ESR2: variants seen among roughly 807,000 people sequenced by gnomAD.
The protein encoded by ESR2 is estrogen receptor 2, also known as estrogen receptor beta.
ESR2 carries 36 observed loss-of-function variants against 49.6 expected under a neutral mutation model. The observed-to-expected ratio is 0.73, with a 90% CI of 0.56 to 0.96. ESR2 has a LOEUF of 0.96. Among genes scored for constraint, ESR2 ranks in the 40% least tolerant of loss-of-function variants. The pLI is 0.00. For missense variants in ESR2, 714 were observed against 693.0 expected (o/e 1.03, Z -0.34); for synonymous variants, 320 against 266.1 (o/e 1.20, Z -1.97).
intron 1 of ESR2, among the ~76,000 whole-genome samples, chr14:64,328,918 A>C (rs1371747727): frequency 6.6e-6 from 1 of 152,198 alleles, no homozygotes; most frequent in East Asian, 1.9e-4. Flanking sequence ...TATTAGTTGC[A>C]GATATTTTAA....
At chr14:64,270,881 G>T (rs886932363) in intron 3 of ESR2, among the ~76,000 whole-genome samples, 2 of 152,278 alleles carry the variant, frequency 1.3e-5, no homozygotes, top group South Asian at 4.1e-4. Context: ...AGATCTACAT[G>T]AATCTCTCAT....
intron 7 of ESR2, among the ~76,000 whole-genome samples, chr14:64,243,533 T>TCTC (rs2075784940): frequency 6.6e-6 from 1 of 152,228 alleles, no homozygotes; most frequent in African/African-American, 2.4e-5. Flanking sequence ...ATGGGATGTG[T>TCTC]CTCTACTCTT....
At position 64,230,068 on chromosome 14, in the gene ESR2, G is replaced by C. The variant is rs764073581; in HGVS notation, c.*3069C>G. 6.6e-6 allele frequency among the ~76,000 whole-genome samples: 1 copy of C among 151,730 alleles called. No homozygotes were observed. Among genetic ancestry groups the C allele is most frequent in the African/African-American group, 2.4e-5 (1 of 41,310 alleles). ...GTGGTGTGCACCCCAGCTACTCGGC[G>C]AGGGCGGGAATGGGGTGGGATGGGG... is the stretch of plus-strand genomic sequence containing the variant. On this transcript the variant is annotated 3_prime_UTR_variant, in exon 9 of 9. Coordinates refer to ENST00000341099, the MANE Select transcript of ESR2 (RefSeq NM_001437.3).
intron 8 of ESR2, 80 bp from the exon 9 acceptor site, chr14:64,233,403 C>T: frequency 1.4e-6 from 2 of 1,421,410 alleles, no homozygotes; most frequent in Non-Finnish European, 1.9e-6. Flanking sequence ...GCTCTCTTTG[C>T]TCAGAGCCAG....
At chr14:64,322,407 G>A (rs965060725) in intron 1 of ESR2, among the ~76,000 whole-genome samples, 1 of 151,444 alleles carries the variant, frequency 6.6e-6, no homozygotes, top group Admixed American at 6.6e-5. Flanking sequence ...TAAGTGCAAT[G>A]ACTCACACCT....
At chr14:64,268,267 A>G (rs1264708259) in intron 4 of ESR2, among the ~76,000 whole-genome samples, 1 of 152,236 alleles carries the variant, frequency 6.6e-6, no homozygotes, top group Non-Finnish European at 1.5e-5. Flanking sequence ...TGCTGTATGT[A>G]CTTTTCATAG....
intron 7 of ESR2, among the ~76,000 whole-genome samples, chr14:64,245,846 G>GA (rs1191171013): frequency 2.0e-5 from 3 of 152,322 alleles, no homozygotes; most frequent in South Asian, 2.1e-4. Flanking sequence ...TTCCTGCACA[G>GA]AAAAGAGATC....
chr14:64,318,057 CTG>C (rs59310293), intron 1 of ESR2, among the ~76,000 whole-genome samples: 291 of 152,202 alleles, frequency 1.9e-3, no homozygotes, highest in African/African-American at 6.8e-3. Flanking sequence ...AGAAATGAAA[CTG>C]TTTTTGTTCA....
upstream of ESR2, chr14:64,298,404 C>T (rs1386274834): frequency 6.6e-6 from 1 of 152,174 alleles, no homozygotes. Flanking sequence ...CCTGCACATC[C>T]CATGTTTTCT....
intron 1 of ESR2, among the ~76,000 whole-genome samples, chr14:64,305,718 A>C (rs576705187): frequency 4.6e-5 from 7 of 152,164 alleles, no homozygotes; most frequent in African/African-American, 1.7e-4. Context: ...AAAATGCTTT[A>C]TACAAATTAG....
rs750720041 is a variant in ESR2, at chr14:64,260,557, T to C, written c.844A>G (p.Ile282Val). ...GTGAAGGGCGCACTGGGGCGGCTGA[T>C]CAGCACATGGGGCGGCTCAGCCTCC... ...LLEAEPPHVL[I>V]SRPSAPFTEA... is the part of the protein sequence containing the mutation. The change falls in exon 5 of 9, where the codon ATC becomes GTC. Residue 282 changes from isoleucine (I) to valine (V), a missense_variant. Coordinates refer to ENST00000341099, the MANE Select transcript of ESR2 (RefSeq NM_001437.3). 3 of 1,586,986 alleles carry C rather than the reference T, an allele frequency of 1.9e-6. No individual in the cohort carries two copies. The highest frequency in any genetic ancestry group is 2.6e-6 in the Non-Finnish European group (3 of 1,166,150).
chr14:64,287,024 GTTTT>G (rs61331470), intron 1 of ESR2, among the ~76,000 whole-genome samples: 6 of 141,282 alleles, frequency 4.2e-5, no homozygotes, highest in African/African-American at 7.6e-5. Flanking sequence ...GCCTGAAGTT[GTTTT>G]TTTTTTTTTC....
rs552779282 is a variant in ESR2, at chr14:64,239,721, T to C, written c.1226-4571A>G. On this transcript the variant is annotated intron_variant, in intron 7 of 8. Coordinates refer to ENST00000341099, the MANE Select transcript of ESR2 (RefSeq NM_001437.3). The stretch of plus-strand genomic sequence containing the variant: ...ACAAGCATTGTAACAGGTTGTTAAA[T>C]GCAACATTTTTCTGTTGTCTCTTAC... Among the ~76,000 whole-genome samples, 6 of 152,332 alleles carry C rather than the reference T, an allele frequency of 3.9e-5. 1 individual carries two copies. In the South Asian group the frequency reaches 1.2e-3, roughly 32 times the overall value.
chr14:64,233,376 C>T, intron 8 of ESR2, 53 bp from the exon 9 acceptor site: 2 of 1,556,712 alleles, frequency 1.3e-6, no homozygotes, highest in East Asian at 2.3e-5. Flanking sequence ...GCCACAGGAA[C>T]CCCGAAGCCT....
At chr14:64,317,170 G>A (rs534538381) in intron 1 of ESR2, among the ~76,000 whole-genome samples, 67 of 152,178 alleles carry the variant, frequency 4.4e-4, no homozygotes, top group Non-Finnish European at 8.2e-4. Flanking sequence ...GGAGGCTGAG[G>A]TGGGAGAACC....
At position 64,249,554 on chromosome 14, in the gene ESR2, A is replaced by C. The variant is rs111471356; in HGVS notation, c.1217T>G (p.Leu406Arg). 1 of 1,613,818 alleles carries C rather than the reference A, an allele frequency of 6.2e-7. No homozygotes were observed. Among genetic ancestry groups the C allele is most frequent in the South Asian group, 1.1e-5 (1 of 90,990 alleles). The stretch of plus-strand genomic sequence containing the variant: ...GCTGTGTGATTACTTACTGGAATTG[A>C]GCAGGATCATGGCCTTGACACAGAG... ...EYLCVKAMIL[L>R]NSSMYPLVTA... Residue 406 changes from leucine to arginine, a missense_variant, in exon 7 of 9, where the codon CTC becomes CGC. By Grantham distance (102) the Leu-to-Arg change is moderately radical. Coordinates refer to ENST00000341099, the MANE Select transcript of ESR2 (RefSeq NM_001437.3).
At position 64,324,177 on chromosome 14, in the gene ESR2, G is replaced by A. The variant is rs888370682; in HGVS notation, c.-91+13721C>T. On this transcript the variant is annotated intron_variant, in intron 1 of 8. Transcript: ENST00000358599. ...TCTCGAACAACATTGTATCAGGTTG[G>A]TCTGTTTGACTGATAGAATATGGCA... 3.3e-5 allele frequency among the ~76,000 whole-genome samples: 5 copies of A among 152,148 alleles called. No individual in the cohort carries two copies. In the South Asian group the frequency reaches 1.0e-3, roughly 32 times the overall value.
chr14:64,253,800 A>G (rs1349638386), intron 6 of ESR2, among the ~76,000 whole-genome samples: 1 of 152,142 alleles, frequency 6.6e-6, no homozygotes, highest in Non-Finnish European at 1.5e-5. Flanking sequence ...CAAGACATTT[A>G]TACATATACA....
chr14:64,262,955 AG>A (rs1469500927), intron 4 of ESR2, among the ~76,000 whole-genome samples: 2 of 152,326 alleles, frequency 1.3e-5, no homozygotes, highest in East Asian at 1.9e-4. Context: ...CTTTTAAACT[AG>A]CAAAAGAAGA....
Sources: allele counts gnomAD v4.1 joint callset (sites outside exome capture counted in the v4.1 genomes callset), GRCh38; gene constraint gnomAD v4.1.1; transcripts MANE v1.5; gene names NCBI Gene and HGNC (gene_info 2026-07-23, HGNC 2026-07-21).